Variants in BLM observed in about 807,000 individuals in gnomAD.
BLM encodes the protein recQ-like DNA helicase BLM.
BLM carries 95 observed loss-of-function variants against 135.3 expected under a neutral mutation model. The ratio of observed to expected loss-of-function variants is 0.70; its 90% CI spans 0.59 to 0.83. The LOEUF is 0.83. BLM is among the 40% of genes least tolerant of loss of function. The pLI is 0.00. For synonymous variants in BLM, 520 were observed against 589.2 expected (o/e 0.88, Z 1.70); for missense variants, 1,518 against 1,663.9 (o/e 0.91, Z 1.53).
At position 90,794,211 on chromosome 15, in the gene BLM, A is replaced by C; in HGVS notation, c.3064A>C (p.Asn1022His). ...TCATACAAGAGAAACTCACTTCAATAATTTGTATAGCATGGTACATTACTG... is the reference window on the plus strand; with the variant it reads ...TCATACAAGAGAAACTCACTTCAATCATTTGTATAGCATGGTACATTACTG... ...NHHTRETHFN[N>H]LYSMVHYCEN... Residue 1022 changes from asparagine (N) to histidine (H), a missense_variant, in exon 16 of 22, where the codon AAT becomes CAT. Physicochemically the swap from Asn to His is moderately conservative, Grantham distance 68. Transcript: ENST00000355112. 1 of 1,606,456 alleles carries C rather than the reference A, an allele frequency of 6.2e-7. No individual in the cohort carries two copies. The highest frequency in any genetic ancestry group is 1.7e-4 in the Middle Eastern group (1 of 6,032).
At chr15:90,726,157 C>A (rs1338437396) in intron 1 of BLM, among the ~76,000 whole-genome samples, 1 of 152,024 alleles carries the variant, frequency 6.6e-6, no homozygotes, top group Non-Finnish European at 1.5e-5. Context: ...CATTCAATAT[C>A]CTCCTTCTAG....
intron 19 of BLM, among the ~76,000 whole-genome samples, chr15:90,807,427 G>A (rs1897309126): frequency 6.6e-6 from 1 of 152,230 alleles, no homozygotes; most frequent in Admixed American, 6.5e-5. Flanking sequence ...TTGGAGATAA[G>A]ATCTTATTCT....
intron 12 of BLM, among the ~76,000 whole-genome samples, chr15:90,777,412 G>GA (rs768621197): frequency 4.6e-5 from 7 of 152,026 alleles, no homozygotes; most frequent in Non-Finnish European, 8.8e-5. Flanking sequence ...CTCGGCCTCT[G>GA]AAAGTGCTGG....
At chr15:90,769,921 C>T (rs1267631429) in intron 12 of BLM, among the ~76,000 whole-genome samples, 1 of 152,076 alleles carries the variant, frequency 6.6e-6, no homozygotes, top group Non-Finnish European at 1.5e-5. Flanking sequence ...GGTATAGTCC[C>T]AGTAATAAAT....
Position 90,790,740 on chromosome 15 carries a change from G to T in BLM, c.2915G>T (p.Gly972Val), listed in dbSNP as rs150475674. The T allele has an allele frequency of 5.0e-6, 8 of 1,613,990 alleles. No individual in the cohort carries two copies. The highest frequency in any genetic ancestry group is 1.7e-5 in the Admixed American group (1 of 59,996). The change falls in exon 15 of 22, where the codon GGT becomes GTT. Residue 972 changes from glycine (G) to valine (V), a missense_variant. Transcript: ENST00000355112. ...GCATCTCTCCCTAAATCTGTGGAGG[G>T]TTACTACCAAGAATCTGGCAGAGCT... The part of the protein sequence containing the change: ...IHASLPKSVE[G>V]YYQESGRAGR...
intron 14 of BLM, among the ~76,000 whole-genome samples, chr15:90,788,564 A>C (rs1896817874): frequency 1.3e-5 from 2 of 150,904 alleles, no homozygotes; most frequent in Non-Finnish European, 2.9e-5. Flanking sequence ...AAGTGAAAAT[A>C]ACTAAGAGAG....
At chr15:90,718,905 G>A (rs1215430031) in intron 1 of BLM, among the ~76,000 whole-genome samples, 4 of 152,172 alleles carry the variant, frequency 2.6e-5, no homozygotes, top group Non-Finnish European at 4.4e-5. Flanking sequence ...AAGGTAAGGG[G>A]AATGAGTGAT....
rs1022266595 is a variant in BLM, at chr15:90,815,248, C to T, written c.4223C>T (p.Pro1408Leu). ...IMAPPKPINR[P>L]FLKPSYAFS ...GCTCCACCGAAGCCTATAAATAGAC[C>T]GTTTCTTAAGCCTTCATATGCATTC... The change falls in exon 22 of 22, where the codon CCG becomes CTG. Residue 1408 changes from proline (P) to leucine (L), a missense_variant. Coordinates refer to ENST00000355112, the MANE Select transcript of BLM (RefSeq NM_000057.4). The surrounding 1 kb of genome is among the most constrained non-coding windows in gnomAD (Gnocchi z 4.6). 5.0e-6 allele frequency: 8 copies of T among 1,614,082 alleles called. No individual in the cohort carries two copies. The South Asian group carries it at 6.6e-5, about 13-fold the overall frequency.
At chr15:90,769,867 A>G (rs28385040) in intron 12 of BLM, among the ~76,000 whole-genome samples, 4 of 152,204 alleles carry the variant, frequency 2.6e-5, no homozygotes, top group Admixed American at 1.3e-4. Context: ...TTCAGTACCT[A>G]CTTTAGAAGT....
chr15:90,814,832 C>T (rs969831256), intron 21 of BLM, among the ~76,000 whole-genome samples: 3 of 152,094 alleles, frequency 2.0e-5, no homozygotes, highest in African/African-American at 2.4e-5. Context: ...GAGAGAGGGG[C>T]GGTGGGTTGG....
In BLM at chr15:90,749,916, G is replaced by A. The variant is rs1208450024; in HGVS notation, c.648G>A (p.Glu216=). Residue 216 remains glutamate, a synonymous_variant, in exon 3 of 22, where the codon GAG becomes GAA. Coordinates refer to ENST00000355112, the MANE Select transcript of BLM (RefSeq NM_000057.4). ...TGCCTCCACCCTCCTCTGAAAGCGA[G>A]CAAATAGATTTGACTGAGGAACAGA... The part of the protein sequence containing the change: ...TDLPPPSSES[E]QIDLTEEQKD... 4 of 1,613,380 alleles carry A rather than the reference G, an allele frequency of 2.5e-6. No homozygotes were observed. In the South Asian group the frequency reaches 4.4e-5, roughly 18 times the overall value.
In BLM at chr15:90,809,159, G is replaced by A. The variant is rs1596271783; in HGVS notation, c.3774G>A (p.Glu1258=). The change falls in exon 20 of 22, where the codon GAG becomes GAA. Residue 1258 remains glutamate (E), a synonymous_variant. Transcript: ENST00000355112. ...CAGAATCTTTATCTTCTGATCCTGA[G>A]GTTTTGCTTCAAATTGATGGTGTTA... ...KLAESLSSDP[E]VLLQIDGVTE... 2 of 1,614,126 alleles carry A rather than the reference G, an allele frequency of 1.2e-6. No individual in the cohort carries two copies. The highest frequency in any genetic ancestry group is 1.1e-5 in the South Asian group (1 of 91,080).
intron 13 of BLM, among the ~76,000 whole-genome samples, chr15:90,783,153 C>A (rs148766747): frequency 6.6e-6 from 1 of 152,284 alleles, no homozygotes; most frequent in East Asian, 1.9e-4. Context: ...ATACTCCCTC[C>A]TACACACGTA....
rs778144758 is a variant in BLM at position 90,782,941 on chromosome 15, A to G, written c.2662+13A>G. 1.9e-6 allele frequency: 3 copies of G among 1,577,004 alleles called. No individual in the cohort carries two copies. Among genetic ancestry groups the G allele is most frequent in the Admixed American group, 3.3e-5 (2 of 59,968 alleles). On this transcript the variant is annotated intron_variant, in intron 13 of 21. Coordinates refer to ENST00000355112, the MANE Select transcript of BLM (RefSeq NM_000057.4). ...AAGCACCACCCATGTGAGTACAGCC[A>G]TGTGATTAGCTGTCTAGAAGTAACA...
intron 16 of BLM, among the ~76,000 whole-genome samples, chr15:90,794,764 A>G (rs1479550016): frequency 6.7e-6 from 1 of 148,732 alleles, no homozygotes; most frequent in African/African-American, 2.5e-5. Context: ...ATATATTAAA[A>G]TTGACGTATT....
In BLM at chr15:90,781,768, G is replaced by T. The variant is rs1896622899; in HGVS notation, c.2556-1054G>T. ...ATCCTGGGCTGCATGTGGCCCGTGG[G>T]CTGCGGGTTGGATGAGCTTGAGTAC... On this transcript the variant is annotated intron_variant, in intron 12 of 21. Coordinates refer to ENST00000355112, the MANE Select transcript of BLM (RefSeq NM_000057.4). Among the ~76,000 whole-genome samples, 3 of 152,186 alleles carry T rather than the reference G, an allele frequency of 2.0e-5. No individual in the cohort carries two copies. In the South Asian group the frequency reaches 6.2e-4, roughly 31 times the overall value.
chr15:90,811,817 C>A (rs937378303), intron 21 of BLM, among the ~76,000 whole-genome samples: 1 of 152,088 alleles, frequency 6.6e-6, no homozygotes, highest in Non-Finnish European at 1.5e-5. Context: ...ACCATCACTC[C>A]TGGCTAATTT....
In BLM at chr15:90,749,740, G is replaced by A. The variant is rs1210664602; in HGVS notation, c.472G>A (p.Asp158Asn). ...TACCATCAATGATTGGGATGATATG[G>A]ATGACTTTGATACTTCTGAGACTTC... ...LSTINDWDDM[D>N]DFDTSETSKS... Residue 158 changes from aspartate to asparagine, a missense_variant, in exon 3 of 22, where the codon GAT (aspartate) becomes AAT (asparagine). Physicochemically the swap from Asp to Asn is conservative, Grantham distance 23. Around this residue, in one of 5 missense-constraint regions of BLM, gnomAD observed 724 missense variants for 756.9 expected, o/e 0.96. Transcript: ENST00000355112. The A allele has an allele frequency of 1.2e-6, 2 of 1,614,138 alleles. No homozygotes were observed. Among genetic ancestry groups the A allele is most frequent in the African/African-American group, 2.7e-5 (2 of 75,054 alleles).
chr15:90,739,423 G>T (rs1895306233), intron 1 of BLM, among the ~76,000 whole-genome samples: 1 of 151,834 alleles, frequency 6.6e-6, no homozygotes, highest in Non-Finnish European at 1.5e-5. Context: ...TAATAATAAA[G>T]GAAGGAGCCT....
Sources: gnomAD v4.1 joint callset for allele counts (sites outside exome capture counted in the v4.1 genomes callset) on GRCh38, gnomAD v4.1.1 for gene constraint, gnomAD v4.1.1 regional missense constraint, Gnocchi (gnomAD v3.1) non-coding constraint, MANE v1.5 for transcripts, NCBI Gene and HGNC (gene_info 2026-07-23, HGNC 2026-07-21) for gene names.